The following CNTN4 variants were observed in gnomAD, a reference collection of about 807,000 sequenced individuals.
CNTN4 encodes the protein contactin 4.
Under a neutral mutation model 122.5 loss-of-function variants are expected in CNTN4, and 77 were observed. That is an observed-to-expected ratio of 0.63 (90% CI 0.52 to 0.76). The LOEUF (loss-of-function observed/expected upper bound fraction) is 0.76. Ranked by LOEUF, CNTN4 falls within the 30% of genes least tolerant of loss-of-function variation. CNTN4 has a pLI of 0.00. For missense variants in CNTN4, 1,256 were observed against 1,259.1 expected (o/e 1.00, Z 0.04); for synonymous variants, 512 against 447.0 (o/e 1.15, Z -1.83).
At chr3:2,444,507 C>G (rs945667434) in intron 3 of CNTN4, among the ~76,000 whole-genome samples, 3 of 152,084 alleles carry the variant, frequency 2.0e-5, no homozygotes, top group African/African-American at 7.2e-5. Flanking sequence ...ACCAGTGACG[C>G]TAAGAGTGGT....
At chr3:2,524,879 T>A (rs774406792) in intron 3 of CNTN4, among the ~76,000 whole-genome samples, 10 of 152,244 alleles carry the variant, frequency 6.6e-5, no homozygotes, top group Non-Finnish European at 1.2e-4. Context: ...TTTAATAGAA[T>A]ACCAGCTCAG....
chr3:2,526,582 G>C (rs1287597227), intron 3 of CNTN4, among the ~76,000 whole-genome samples: 1 of 152,056 alleles, frequency 6.6e-6, no homozygotes, highest in African/African-American at 2.4e-5. Context: ...GAAAAAACTT[G>C]ATTTACCAAA....
At chr3:2,417,962 C>G (rs771145773) in intron 3 of CNTN4, among the ~76,000 whole-genome samples, 6 of 152,028 alleles carry the variant, frequency 3.9e-5, no homozygotes, top group Admixed American at 1.3e-4. Context: ...GTAAAAAGAT[C>G]CGTGGTTGCC....
At chr3:2,163,915 A>AAC (rs751977235) in intron 2 of CNTN4, among the ~76,000 whole-genome samples, 1 of 152,192 alleles carries the variant, frequency 6.6e-6, no homozygotes, top group Admixed American at 6.5e-5. Context: ...AACTAGTACA[A>AAC]CCACTGTGGA....
Position 2,882,499 on chromosome 3 carries a change from G to A in CNTN4, c.653-646G>A, listed in dbSNP as rs73112777. ...ATTTTCCGGGATATAGGAAAAGTGGGAGAATATGACCCTCCAAATAAGTGT... is the reference window on the plus strand; with the variant it reads ...ATTTTCCGGGATATAGGAAAAGTGGAAGAATATGACCCTCCAAATAAGTGT... On this transcript the variant is annotated intron_variant, in intron 8 of 24. Coordinates refer to ENST00000418658, the MANE Select transcript of CNTN4 (RefSeq NM_175607.3). Among the ~76,000 whole-genome samples, 1,405 of 152,342 alleles carry A rather than the reference G, an allele frequency of 9.2e-3. 29 individuals carry two copies. Among genetic ancestry groups the A allele is most frequent in the African/African-American group, 0.032 (1,348 of 41,574 alleles).
chr3:2,348,278 G>T lies in CNTN4; in HGVS notation c.-89+9045G>T, dbSNP rs1056731990. Among the ~76,000 whole-genome samples, 3 of 152,132 alleles carry T rather than the reference G, an allele frequency of 2.0e-5. No homozygotes were observed. The East Asian group carries it at 5.8e-4, about 29-fold the overall frequency. On this transcript the variant is annotated intron_variant, in intron 3 of 24. Transcript: ENST00000418658. The stretch of plus-strand genomic sequence containing the variant: ...CGTGAGGTTTTTATTTCTTATAGGG[G>T]TCATATTGAGTCCAAAGACAACAGA...
At chr3:2,242,176 G>A (rs1011083862) in intron 2 of CNTN4, among the ~76,000 whole-genome samples, 1 of 152,006 alleles carries the variant, frequency 6.6e-6, no homozygotes, top group East Asian at 1.9e-4. Flanking sequence ...ATCACAAAAC[G>A]ATAGACATTT....
intron 3 of CNTN4, among the ~76,000 whole-genome samples, chr3:2,530,640 A>T (rs1044248091): frequency 1.3e-5 from 2 of 152,012 alleles, no homozygotes; most frequent in Admixed American, 6.6e-5. Context: ...GTTGATTGGG[A>T]CTATGGCCTC....
chr3:2,609,098 T>G (rs184029992), intron 4 of CNTN4, among the ~76,000 whole-genome samples: 20 of 152,350 alleles, frequency 1.3e-4, no homozygotes, highest in Admixed American at 7.2e-4. Context: ...AGAGAATAAA[T>G]ATTAACACAT....
At chr3:2,915,912 T>C (rs920440746) in intron 12 of CNTN4, among the ~76,000 whole-genome samples, 15 of 152,208 alleles carry the variant, frequency 9.9e-5, no homozygotes, top group African/African-American at 3.6e-4. Flanking sequence ...ATTATGCTAA[T>C]GAAACGAGCC....
At chr3:2,819,454 T>A (rs368010840) in intron 6 of CNTN4, 32 bp from the exon 7 acceptor site, 143 of 1,530,960 alleles carry the variant, frequency 9.3e-5, no homozygotes, top group Non-Finnish European at 1.3e-4. Context: ...ACTTTAAAGT[T>A]TAAATGCTTT....
intron 6 of CNTN4, among the ~76,000 whole-genome samples, chr3:2,794,830 A>G (rs990672073): frequency 6.6e-6 from 1 of 152,210 alleles, no homozygotes; most frequent in Non-Finnish European, 1.5e-5. Flanking sequence ...TTCCTGGTTC[A>G]CAGACTGCTA....
chr3:3,025,725 T>C (rs377334590), intron 14 of CNTN4, among the ~76,000 whole-genome samples: 1 of 152,204 alleles, frequency 6.6e-6, no homozygotes, highest in Non-Finnish European at 1.5e-5. Context: ...TTTTCCTGTT[T>C]GCACTCAGCT....
At chr3:2,834,119 G>A (rs1279530291) in intron 7 of CNTN4, among the ~76,000 whole-genome samples, 1 of 151,928 alleles carries the variant, frequency 6.6e-6, no homozygotes, top group African/African-American at 2.4e-5. Flanking sequence ...TCTCCAGCCT[G>A]GGCAACAGAG....
At chr3:2,414,225 T>TCAGGG (rs2047331876) in intron 3 of CNTN4, among the ~76,000 whole-genome samples, 1 of 152,218 alleles carries the variant, frequency 6.6e-6, no homozygotes, top group Admixed American at 6.5e-5. Flanking sequence ...TTGAATTATT[T>TCAGGG]ATGTAAGTGT....
intron 4 of CNTN4, among the ~76,000 whole-genome samples, chr3:2,591,569 T>C (rs2080489755): frequency 1.9e-5 from 1 of 53,576 alleles, no homozygotes; most frequent in Admixed American, 1.5e-4. Flanking sequence ...TTTCACCGTT[T>C]TAGCCAGGAT....
At chr3:3,034,578 T>C (rs1699435029) in intron 16 of CNTN4, 54 bp from the exon 17 acceptor site, 3 of 1,578,874 alleles carry the variant, frequency 1.9e-6, no homozygotes, top group Admixed American at 3.3e-5. Context: ...GTGGCTCCTT[T>C]ACTTGGGTGT....
At chr3:2,215,122 A>T (rs144562751) in intron 2 of CNTN4, among the ~76,000 whole-genome samples, 1 of 152,188 alleles carries the variant, frequency 6.6e-6, no homozygotes, top group Admixed American at 6.5e-5. Flanking sequence ...GCCTCTTCAG[A>T]TGTATTAAAT....
intron 12 of CNTN4, among the ~76,000 whole-genome samples, chr3:2,917,939 C>T (rs1299510596): frequency 6.6e-6 from 1 of 151,856 alleles, no homozygotes; most frequent in Non-Finnish European, 1.5e-5. Context: ...AGCATTGGCA[C>T]CAACAATATT....
Sources: allele counts gnomAD v4.1 joint callset (sites outside exome capture counted in the v4.1 genomes callset), GRCh38; gene constraint gnomAD v4.1.1; transcripts MANE v1.5; gene names NCBI Gene and HGNC (gene_info 2026-07-23, HGNC 2026-07-21).